SERPINB6: variants seen among roughly 807,000 people sequenced by gnomAD.
SERPINB6 encodes the protein serpin family B member 6.
Under a neutral mutation model 26.1 loss-of-function variants are expected in SERPINB6, and 16 were observed. The observed-to-expected ratio is 0.61, with a 90% confidence interval of 0.42 to 0.93. SERPINB6 has a LOEUF of 0.93. Among genes scored for constraint, SERPINB6 ranks in the 40% least tolerant of loss-of-function variants. The probability of loss-of-function intolerance (pLI) is 0.00; values close to 1 mark genes in which losing one functional copy is unlikely to be tolerated. For missense variants in SERPINB6, 420 were observed against 478.0 expected (o/e 0.88, Z 1.13); for synonymous variants, 174 against 176.6 (o/e 0.99, Z 0.11).
At chr6:2,952,986 C>A in intron 5 of SERPINB6, 58 bp downstream of exon 5, 2 of 1,611,116 alleles carry the variant, frequency 1.2e-6, no homozygotes, top group Non-Finnish European at 1.7e-6. Flanking sequence ...CGGGAGGCCC[C>A]GAGCCGGAGA....
intron 1 of SERPINB6, among the ~76,000 whole-genome samples, chr6:2,966,170 G>GCTAT (rs150607545): frequency 0.14 from 21,447 of 152,092 alleles, 1,792 homozygotes; most frequent in African/African-American, 0.22. Context: ...AGCCCAGGAA[G>GCTAT]CTATAATAAC....
chr6:2,967,172 G>C lies in SERPINB6; in HGVS notation c.-11+4361C>G. 4.1e-6 allele frequency: 4 copies of C among 985,340 alleles called. No individual in the cohort carries two copies. The highest frequency in any genetic ancestry group is 4.8e-6 in the Non-Finnish European group (4 of 829,908). The allele number at this position is 985,340 out of a possible 1,614,324, so 61.0% of individuals were successfully genotyped here. A position where few individuals can be genotyped will look rare whatever the true frequency, so the allele number is the denominator to read the frequency against. On this transcript the variant is annotated intron_variant, in intron 1 of 6. Transcript: ENST00000380539. This position sits in a 1 kb window ranked among gnomAD's most constrained non-coding sequence, Gnocchi z 4.3. The stretch of plus-strand genomic sequence containing the variant: ...AGAGCTCCAGCCACCCAGACTCCTC[G>C]AGTTGGAGGGATCTGTTAACCTGCC...
In SERPINB6 at chr6:2,948,314, C is replaced by A; in HGVS notation, c.1115G>T (p.Arg372Leu). 1.2e-6 allele frequency: 2 copies of A among 1,613,710 alleles called. No individual in the cohort carries two copies. The highest frequency in any genetic ancestry group is 1.7e-4 in the Middle Eastern group (1 of 5,786). Residue 372 changes from arginine to leucine, a missense_variant, in exon 7 of 7, where the codon CGC becomes CTC. Coordinates refer to ENST00000380539, the MANE Select transcript of SERPINB6 (RefSeq NM_004568.6). This position sits in a 1 kb window ranked among gnomAD's most constrained non-coding sequence, Gnocchi z 5.0. ...GCCCTGTCCTCACGGAGAGGAAAAGCGGCCGCAGAAGAGAATCCCGTTGGT... is the reference window on the plus strand; with the variant it reads ...GCCCTGTCCTCACGGAGAGGAAAAGAGGCCGCAGAAGAGAATCCCGTTGGT... ...SKTNGILFCG[R>L]FSSP
In SERPINB6 at chr6:2,970,724, C is replaced by CAA. The variant is rs70995402; in HGVS notation, c.-11+807_-11+808dup. ...AGTTTTCCGAAGCCAATCTTTAGGA[C>CAA]AAAAAAAAAAAAAAAAAAAAGGAAG... is the stretch of plus-strand genomic sequence containing the variant. On this transcript the variant is annotated intron_variant, in intron 1 of 6. Coordinates refer to ENST00000380539, the MANE Select transcript of SERPINB6 (RefSeq NM_004568.6). 71,768 of 1,034,200 alleles carry CAA rather than the reference C, an allele frequency of 0.069. 304 individuals are homozygous for CAA. Among genetic ancestry groups the CAA allele is most frequent in the Middle Eastern group, 0.1 (262 of 2,630 alleles). 64.1% of individuals were successfully genotyped at this position (1,034,200 alleles called of 1,614,324 possible).
intron 4 of SERPINB6, among the ~76,000 whole-genome samples, chr6:2,953,974 G>T (rs1770118502): frequency 6.6e-6 from 1 of 151,984 alleles, no homozygotes; most frequent in African/African-American, 2.4e-5. Flanking sequence ...AGGTTGCAAT[G>T]AGCCAAGATT....
intron 5 of SERPINB6, among the ~76,000 whole-genome samples, chr6:2,951,747 C>T (rs1281980049): frequency 6.6e-6 from 1 of 152,256 alleles, no homozygotes; most frequent in African/African-American, 2.4e-5. Flanking sequence ...CACCCTTCTT[C>T]ACTGCAGAAC....
chr6:2,968,895 T>C (rs889311500), intron 1 of SERPINB6: 14 of 1,229,118 alleles, frequency 1.1e-5, no homozygotes, highest in Admixed American at 4.2e-5. Flanking sequence ...AACTCTTCGG[T>C]GTGGCTATCG....
intron 5 of SERPINB6, 131 bp downstream of exon 5, chr6:2,952,913 G>A (rs539568780): frequency 9.0e-5 from 121 of 1,351,028 alleles, no homozygotes; most frequent in Non-Finnish European, 1.2e-4. Flanking sequence ...CCAGGGACAC[G>A]AGGCCACCCA....
At chr6:2,955,836 G>T (rs958688614) in intron 2 of SERPINB6, 166 bp from the exon 3 acceptor site, 2 of 683,292 alleles carry the variant, frequency 2.9e-6, no homozygotes, top group African/African-American at 3.6e-5. Flanking sequence ...CAGCACTTTG[G>T]GAGGCCAAGG....
chr6:2,955,432 G>T, intron 3 of SERPINB6, 92 bp downstream of exon 3: 1 of 1,433,310 alleles, frequency 7.0e-7, no homozygotes, highest in Non-Finnish European at 9.8e-7. Context: ...ATGGCATAAT[G>T]GCATTTAGAG....
rs538023051 is a variant in SERPINB6, at chr6:2,966,538, T to C, written c.-11+4995A>G. The C allele has an allele frequency of 4.4e-4, 139 of 314,368 alleles. 2 individuals are homozygous for C. The highest frequency in any genetic ancestry group is 6.2e-4 in the Non-Finnish European group (135 of 216,274). The allele number at this position is 314,368 out of a possible 1,614,324, so 19.5% of individuals were successfully genotyped here. ...TAGGTCAGTGGCAGCGTTGGAGTCT[T>C]GTAGGAGAGTGAACCTACGGTGAAC... On this transcript the variant is annotated intron_variant, in intron 1 of 6. Transcript: ENST00000380539.
chr6:2,959,600 G>A, intron 1 of SERPINB6: 1 of 493,750 alleles, frequency 2.0e-6, no homozygotes, highest in South Asian at 2.1e-5. Flanking sequence ...GCCCGCACGT[G>A]GAGAAAGTGG....
chr6:2,955,884 C>T (rs1770418925), intron 2 of SERPINB6: 1 of 515,108 alleles, frequency 1.9e-6, no homozygotes, highest in South Asian at 2.0e-5. Flanking sequence ...CGAGATCAGC[C>T]TGGCCAACAT....
chr6:2,961,451 T>A (rs927094562), intron 1 of SERPINB6: 4 of 152,194 alleles, frequency 2.6e-5, no homozygotes, highest in Non-Finnish European at 5.9e-5. Context: ...AAAGTAGCCA[T>A]TACACGGAAC....
At chr6:2,971,132 C>T in intron 1 of SERPINB6, 1 of 1,035,876 alleles carries the variant, frequency 9.7e-7, no homozygotes. Flanking sequence ...GCCCGGGAGG[C>T]TCTGCGCCGC....
In SERPINB6 at chr6:2,959,147, A is replaced by G. The variant is rs1213883661; in HGVS notation, c.165+21T>C. ...AGCTAACTTGACAGTTAATAGCACCATGGCTGCCCTGAAGCTGTACCTGGG... is the reference window on the plus strand; with the variant it reads ...AGCTAACTTGACAGTTAATAGCACCGTGGCTGCCCTGAAGCTGTACCTGGG... On this transcript the variant is annotated intron_variant, in intron 2 of 6. Coordinates refer to ENST00000380539, the MANE Select transcript of SERPINB6 (RefSeq NM_004568.6). 2.5e-6 allele frequency: 4 copies of G among 1,614,124 alleles called. No homozygotes were observed. The South Asian group carries it at 4.4e-5, about 18-fold the overall frequency.
chr6:2,970,093 T>C, intron 1 of SERPINB6: 1 of 984,750 alleles, frequency 1.0e-6, no homozygotes, highest in Non-Finnish European at 1.2e-6. Context: ...TTTCTTTGGA[T>C]GCCTTGGCTT....
rs1461839580 is a variant in SERPINB6 at position 2,954,613 on chromosome 6, A to G, written c.409T>C (p.Trp137Arg). Residue 137 changes from tryptophan to arginine, a missense_variant, in exon 4 of 7, where the codon TGG becomes CGG. Transcript: ENST00000380539. ...TCACCTTCTGTCTTTTCAGCTACCC[A>G]GGTGTTTATGTGTTTTCTGGACTTC... ...VEKSRKHINT[W>R]VAEKTEGKIA... The G allele has an allele frequency of 3.1e-6, 5 of 1,613,544 alleles. No homozygotes were observed. The highest frequency in any genetic ancestry group is 4.2e-6 in the Non-Finnish European group (5 of 1,179,474).
Position 2,967,407 on chromosome 6 carries a change from C to G in SERPINB6, c.-11+4126G>C, listed in dbSNP as rs1771735078. The G allele has an allele frequency of 5.8e-6, 1 of 171,756 alleles. No homozygotes were observed. The allele number at this position is 171,756 out of a possible 1,614,324, so 10.6% of individuals were successfully genotyped here. ...GGCAAAGATTTCATGACAAAGATGC[C>G]AAATGCAATCACAACAAAAGCAAAA... On this transcript the variant is annotated intron_variant, in intron 1 of 6. Coordinates refer to ENST00000380539, the MANE Select transcript of SERPINB6 (RefSeq NM_004568.6). This position sits in a 1 kb window ranked among gnomAD's most constrained non-coding sequence, Gnocchi z 4.3.
Sources: gnomAD v4.1 joint callset for allele counts (sites outside exome capture counted in the v4.1 genomes callset) on GRCh38, gnomAD v4.1.1 for gene constraint, Gnocchi (gnomAD v3.1) non-coding constraint, MANE v1.5 for transcripts, NCBI Gene and HGNC (gene_info 2026-07-23, HGNC 2026-07-21) for gene names.